AMTN: variants seen among roughly 807,000 people sequenced by gnomAD.
The protein encoded by AMTN is amelotin, also known as RSTI689.
A neutral mutation model predicts 27.4 loss-of-function variants in AMTN; 29 were observed. The observed-to-expected ratio is 1.06, with a 90% confidence interval of 0.79 to 1.44. AMTN has a LOEUF of 1.44. AMTN is among the 40% of genes most tolerant of loss of function. AMTN has a pLI of 0.00. For synonymous variants in AMTN, 86 were observed against 95.7 expected, an observed-to-expected ratio of 0.90 and a Z score of 0.59; for missense variants, 247 against 248.8, an observed-to-expected ratio of 0.99 and a Z score of 0.05.
intron 8 of AMTN, among the ~76,000 whole-genome samples, chr4:70,531,594 C>A (rs1736225925): frequency 6.6e-6 from 1 of 152,070 alleles, no homozygotes; most frequent in South Asian, 2.1e-4. Flanking sequence ...CTCACTGCAA[C>A]CTCCGTCTCC....
At chr4:70,520,738 C>T (rs2109768599) in intron 2 of AMTN, among the ~76,000 whole-genome samples, 1 of 152,134 alleles carries the variant, frequency 6.6e-6, no homozygotes, top group East Asian at 1.9e-4. Flanking sequence ...AAAAAAGATC[C>T]CAGAGCAGGG....
chr4:70,530,850 G>T (rs952888744), intron 7 of AMTN, among the ~76,000 whole-genome samples, 189 bp from the exon 8 acceptor site: 3 of 152,156 alleles, frequency 2.0e-5, no homozygotes, highest in African/African-American at 7.2e-5. Flanking sequence ...GCATAGCAAA[G>T]AGTCCCAGTA....
At chr4:70,519,762 CAA>C (rs1735911281) in intron 2 of AMTN, among the ~76,000 whole-genome samples, 1 of 149,750 alleles carries the variant, frequency 6.7e-6, no homozygotes, top group African/African-American at 2.5e-5. Context: ...ATTTTTTACT[CAA>C]ATGATTTTTA....
intron 5 of AMTN, among the ~76,000 whole-genome samples, chr4:70,525,736 A>G (rs1035990750): frequency 6.6e-6 from 1 of 152,002 alleles, no homozygotes; most frequent in Non-Finnish European, 1.5e-5. Flanking sequence ...CTCTACAAAA[A>G]ATAAAATAAA....
intron 7 of AMTN, among the ~76,000 whole-genome samples, chr4:70,530,395 C>T (rs1361912363): frequency 1.3e-5 from 2 of 152,184 alleles, no homozygotes; most frequent in Non-Finnish European, 2.9e-5. Context: ...GTACTCTGCT[C>T]CTATCTGTCA....
chr4:70,527,449 C>T (rs1416590461), intron 5 of AMTN, among the ~76,000 whole-genome samples: 2 of 152,104 alleles, frequency 1.3e-5, no homozygotes, highest in East Asian at 3.9e-4. Flanking sequence ...ATATACCAAC[C>T]ACTTTCCCAT....
At chr4:70,524,068 G>A in intron 4 of AMTN, 135 bp downstream of exon 4, 1 of 661,720 alleles carries the variant, frequency 1.5e-6, no homozygotes, top group Non-Finnish European at 2.5e-6. Flanking sequence ...ACATAGATAA[G>A]TTGAAAGAGA....
intron 7 of AMTN, 141 bp from the exon 8 acceptor site, chr4:70,530,898 C>T: frequency 8.6e-7 from 1 of 1,162,556 alleles, no homozygotes; most frequent in Non-Finnish European, 1.2e-6. Flanking sequence ...TGTATTTCCC[C>T]TGAGGAATGC....
intron 2 of AMTN, among the ~76,000 whole-genome samples, chr4:70,519,930 G>A (rs1735916411): frequency 6.7e-6 from 1 of 149,044 alleles, no homozygotes; most frequent in Non-Finnish European, 1.5e-5. Flanking sequence ...GTGTGTGTGT[G>A]TGTCTGTGTG....
chr4:70,531,315 C>T lies in AMTN; in HGVS notation c.619+15C>T, dbSNP rs144588813. The T allele has an allele frequency of 2.0e-5, 33 of 1,612,826 alleles. No homozygotes were observed. The African/African-American group carries it at 2.4e-4, about 12-fold the overall frequency. On this transcript the variant is annotated intron_variant, in intron 8 of 8. Coordinates refer to ENST00000339336, the MANE Select transcript of AMTN (RefSeq NM_212557.4). ...ATCAGCAAATGGTAAATTCTCCTAG[C>T]TTGGAACATGCTTCTTGGCTATAAA...
At chr4:70,529,248 C>T (rs1259927638) in intron 7 of AMTN, 38 bp downstream of exon 7, 3 of 1,447,890 alleles carry the variant, frequency 2.1e-6, no homozygotes, top group African/African-American at 1.4e-5. Flanking sequence ...ATTATTTTCA[C>T]TTCTATCACA....
At chr4:70,528,072 T>G (rs187979904) in intron 5 of AMTN, among the ~76,000 whole-genome samples, 1 of 152,234 alleles carries the variant, frequency 6.6e-6, no homozygotes, top group African/African-American at 2.4e-5. Context: ...TCTTCTGAGA[T>G]GCCATTTGAA....
At chr4:70,529,069 G>T in intron 6 of AMTN, 115 bp from the exon 7 acceptor site, 1 of 1,010,972 alleles carries the variant, frequency 9.9e-7, no homozygotes, top group Non-Finnish European at 1.4e-6. Context: ...TTATTGGAAA[G>T]GCAAAATCTG....
intron 7 of AMTN, among the ~76,000 whole-genome samples, chr4:70,529,453 T>A (rs1736167998): frequency 6.6e-6 from 1 of 152,308 alleles, no homozygotes; most frequent in East Asian, 1.9e-4. Context: ...TCAGATTCAG[T>A]TCTATCCAGA....
intron 2 of AMTN, among the ~76,000 whole-genome samples, chr4:70,521,188 G>A (rs1284583328): frequency 6.6e-6 from 1 of 152,086 alleles, no homozygotes; most frequent in Non-Finnish European, 1.5e-5. Flanking sequence ...AGACCAGCCT[G>A]ACCAATATGG....
At chr4:70,526,644 G>C (rs144482086) in intron 5 of AMTN, among the ~76,000 whole-genome samples, 4 of 152,248 alleles carry the variant, frequency 2.6e-5, no homozygotes, top group African/African-American at 9.6e-5. Context: ...CATACTGATT[G>C]CCCAGCTTCA....
rs2109776026 is a variant in AMTN at position 70,531,299 on chromosome 4, T to C, written c.618T>C (p.Asn206=). 1.9e-6 allele frequency: 3 copies of C among 1,613,484 alleles called. No individual in the cohort carries two copies. Among genetic ancestry groups the C allele is most frequent in the Non-Finnish European group, 2.5e-6 (3 of 1,179,540 alleles). The change falls in exon 8 of 9, where the codon AAT becomes AAC. Residue 206 remains asparagine (N), a splice_region_variant and synonymous_variant. Transcript: ENST00000339336. ...AGGAAGCCACCACAGAATCAGCAAATGGTAAATTCTCCTAGCTTGGAACAT... is the reference window on the plus strand; with the variant it reads ...AGGAAGCCACCACAGAATCAGCAAACGGTAAATTCTCCTAGCTTGGAACAT... ...AIEEATTESA[N]GIQ is the part of the protein sequence containing the mutation.
chr4:70,523,307 C>A (rs1413611692), intron 3 of AMTN, among the ~76,000 whole-genome samples: 2 of 152,184 alleles, frequency 1.3e-5, no homozygotes, highest in East Asian at 1.9e-4. Flanking sequence ...GCTGTTCAAT[C>A]TGTTTCTTCA....
intron 3 of AMTN, 118 bp downstream of exon 3, chr4:70,522,956 A>G: frequency 1.1e-6 from 1 of 874,296 alleles, no homozygotes; most frequent in South Asian, 1.8e-5. Flanking sequence ...TTACATGAAG[A>G]CTGTACAAGA....
Sources: allele counts gnomAD v4.1 joint callset (sites outside exome capture counted in the v4.1 genomes callset), GRCh38; gene constraint gnomAD v4.1.1; transcripts MANE v1.5; gene names NCBI Gene and HGNC (gene_info 2026-07-23, HGNC 2026-07-21).